Variants in CFAP161 observed in about 807,000 individuals in gnomAD.
The protein encoded by CFAP161 is cilia and flagella associated protein 161.
Under a neutral mutation model 29.0 loss-of-function variants are expected in CFAP161, and 25 were observed. That is an observed-to-expected ratio of 0.86 (90% CI 0.63 to 1.20). The LOEUF (loss-of-function observed/expected upper bound fraction) is 1.20. CFAP161 is among the 50% of genes most tolerant of loss of function. The pLI is 0.00. For synonymous variants in CFAP161, 116 were observed against 137.4 expected (o/e 0.84, Z 1.09); for missense variants, 367 against 371.9 (o/e 0.99, Z 0.11).
intron 1 of CFAP161, among the ~76,000 whole-genome samples, chr15:81,119,330 G>A (rs528845879): frequency 1.8e-4 from 27 of 152,192 alleles, no homozygotes; most frequent in Middle Eastern, 3.4e-3. Flanking sequence ...TCATGACTGA[G>A]AGTGTCACAT....
At chr15:81,104,903 A>T (rs1467351797) in intron 1 of CFAP161, among the ~76,000 whole-genome samples, 1 of 152,166 alleles carries the variant, frequency 6.6e-6, no homozygotes, top group Non-Finnish European at 1.5e-5. Flanking sequence ...GTGGGTTAAA[A>T]CAAGGGAAAT....
At chr15:81,132,809 G>A (rs1042665882), upstream of CFAP161, among the ~76,000 whole-genome samples, 6 of 152,076 alleles carry the variant, frequency 3.9e-5, no homozygotes, top group East Asian at 1.9e-4. Flanking sequence ...CTTTGGAGTC[G>A]GAAAGTTTGG....
At chr15:81,122,699 C>A (rs1391822446) in intron 1 of CFAP161, among the ~76,000 whole-genome samples, 2 of 151,908 alleles carry the variant, frequency 1.3e-5, no homozygotes, top group African/African-American at 2.4e-5. Context: ...ACTATGTTGG[C>A]CAGGCTGGTC....
Position 81,135,502 on chromosome 15 carries a change from C to A in CFAP161, c.159+143C>A, listed in dbSNP as rs187543446. ...TTAACATTAGGTATATCTCCTAATG[C>A]TATCCCTCTCCCCTCCCCCCACCCC... On this transcript the variant is annotated intron_variant, in intron 2 of 6. Transcript: ENST00000286732. 560 of 410,294 alleles carry A rather than the reference C, an allele frequency of 1.4e-3. 7 individuals carry two copies. In the Admixed American group the frequency reaches 0.021, roughly 15 times the overall value. 25.4% of individuals were successfully genotyped at this position (410,294 alleles called of 1,614,324 possible). A position where few individuals can be genotyped will look rare whatever the true frequency, so the allele number is the denominator to read the frequency against.
At chr15:81,129,566 A>C (rs765084286), upstream of CFAP161, among the ~76,000 whole-genome samples, 1 of 152,226 alleles carries the variant, frequency 6.6e-6, no homozygotes, top group Non-Finnish European at 1.5e-5. Context: ...AATATCTGCC[A>C]CTGGGTCCCT....
chr15:81,146,853 TA>T (rs1895015631), intron 5 of CFAP161, among the ~76,000 whole-genome samples: 1 of 42,520 alleles, frequency 2.4e-5, no homozygotes, highest in African/African-American at 2.2e-4. Context: ...TATATATATA[TA>T]TATATATATA....
intron 3 of CFAP161, among the ~76,000 whole-genome samples, 187 bp from the exon 4 acceptor site, chr15:81,137,864 G>A (rs1289166752): frequency 6.6e-6 from 1 of 152,170 alleles, no homozygotes; most frequent in African/African-American, 2.4e-5. Flanking sequence ...AGGGAGTAGG[G>A]TGCTAGCTGG....
At chr15:81,133,242 G>T (rs1449071392), upstream of CFAP161, among the ~76,000 whole-genome samples, 35 of 115,102 alleles carry the variant, frequency 3.0e-4, no homozygotes, top group South Asian at 8.9e-4. Context: ...TTTTTAAATT[G>T]GAGATGGGGT....
At chr15:81,146,221 C>T (rs1170574666) in intron 5 of CFAP161, among the ~76,000 whole-genome samples, 1 of 152,164 alleles carries the variant, frequency 6.6e-6, no homozygotes, top group Non-Finnish European at 1.5e-5. Flanking sequence ...CAGTGCCAGG[C>T]CAACCCCTGG....
chr15:81,129,571 G>T (rs1171190749), upstream of CFAP161, among the ~76,000 whole-genome samples: 1 of 152,160 alleles, frequency 6.6e-6, no homozygotes, highest in East Asian at 1.9e-4. Flanking sequence ...CTGCCACTGG[G>T]TCCCTCCCAC....
In CFAP161 at chr15:81,101,422, G is replaced by A. The variant is rs963124668; in HGVS notation, c.-141-26168G>A. 3.4e-4 allele frequency among the ~76,000 whole-genome samples: 52 copies of A among 151,056 alleles called. 1 individual carries two copies. The highest frequency in any genetic ancestry group is 3.3e-3 in the Admixed American group (50 of 15,126). ...GGCACCTGTAATCCCGGCTACTTGG[G>A]AGGCTGAGGCGGGATAATCACTTGA... is the stretch of plus-strand genomic sequence containing the variant. On this transcript the variant is annotated intron_variant, in intron 1 of 4. Coordinates refer to the CFAP161 transcript ENST00000560091.
intron 4 of CFAP161, among the ~76,000 whole-genome samples, chr15:81,140,759 T>C (rs1246761650): frequency 2.0e-5 from 3 of 151,892 alleles, no homozygotes; most frequent in African/African-American, 7.2e-5. Flanking sequence ...TATTTATTTA[T>C]TTATTTTTGT....
intron 2 of CFAP161, among the ~76,000 whole-genome samples, chr15:81,128,684 C>T (rs949545221): frequency 6.6e-6 from 1 of 152,128 alleles, no homozygotes; most frequent in Non-Finnish European, 1.5e-5. Context: ...GATATTTTGA[C>T]CTCCTCCCAT....
intron 2 of CFAP161, among the ~76,000 whole-genome samples, chr15:81,128,187 T>G (rs1894664845): frequency 6.6e-6 from 1 of 152,232 alleles, no homozygotes; most frequent in Non-Finnish European, 1.5e-5. Context: ...CCCAGCTCTA[T>G]TTGTCAGAAT....
At chr15:81,136,825 G>T (rs1298355545) in intron 3 of CFAP161, 77 bp downstream of exon 3, 4 of 1,218,732 alleles carry the variant, frequency 3.3e-6, no homozygotes, top group Non-Finnish European at 4.7e-6. Flanking sequence ...CTGGGTATTG[G>T]AGCCACTGAG....
At chr15:81,141,268 T>G (rs1894903481) in intron 4 of CFAP161, among the ~76,000 whole-genome samples, 1 of 152,294 alleles carries the variant, frequency 6.6e-6, no homozygotes, top group Admixed American at 6.5e-5. Flanking sequence ...TTGTTAAGGG[T>G]TTTTCCTTGG....
intron 4 of CFAP161, among the ~76,000 whole-genome samples, chr15:81,138,683 T>A (rs1189732632): frequency 2.0e-5 from 3 of 152,160 alleles, no homozygotes; most frequent in East Asian, 3.9e-4. Flanking sequence ...TTTGGGTAAG[T>A]TATTTAATGC....
At chr15:81,134,229 C>T (rs1894766211), upstream of CFAP161, 3 of 1,411,662 alleles carry the variant, frequency 2.1e-6, no homozygotes, top group Admixed American at 4.0e-5. Flanking sequence ...CCAGCAGGGT[C>T]CCAGACCTTG....
chr15:81,107,091 A>G (rs948552643), intron 1 of CFAP161, among the ~76,000 whole-genome samples: 1 of 152,178 alleles, frequency 6.6e-6, no homozygotes, highest in Non-Finnish European at 1.5e-5. Flanking sequence ...AACAAGCCCA[A>G]TGCGACTATC....
Sources: gnomAD v4.1 joint callset for allele counts (sites outside exome capture counted in the v4.1 genomes callset) on GRCh38, gnomAD v4.1.1 for gene constraint, MANE v1.5 for transcripts, NCBI Gene and HGNC (gene_info 2026-07-23, HGNC 2026-07-21) for gene names.